Variants in CDH10 observed in about 807,000 individuals in gnomAD.
The protein encoded by CDH10 is cadherin-10.
Under a neutral mutation model 73.1 loss-of-function variants are expected in CDH10, and 30 were observed. That is an observed-to-expected ratio of 0.41 (90% confidence interval 0.31 to 0.56). The LOEUF (loss-of-function observed/expected upper bound fraction) is 0.56, where lower values mean the gene tolerates loss of function less well. Ranked by LOEUF, CDH10 falls within the 20% of genes least tolerant of loss-of-function variation. The probability of loss-of-function intolerance (pLI) is 0.27; values close to 1 mark genes in which losing one functional copy is unlikely to be tolerated. For missense variants in CDH10, 815 were observed against 973.7 expected, an observed-to-expected ratio of 0.84 and a Z score of 2.17; for synonymous variants, 345 against 348.2, an observed-to-expected ratio of 0.99 and a Z score of 0.10.
At chr5:24,569,109 C>CA (rs35321027) in intron 2 of CDH10, among the ~76,000 whole-genome samples, 62,826 of 147,172 alleles carry the variant, frequency 0.43, 14,178 homozygotes, top group East Asian at 0.55. Flanking sequence ...GACTCTGTCT[C>CA]AAAAAAAAAA....
intron 8 of CDH10, among the ~76,000 whole-genome samples, chr5:24,500,956 T>C (rs556737026): frequency 2.0e-5 from 3 of 152,264 alleles, no homozygotes; most frequent in African/African-American, 7.2e-5. Flanking sequence ...TATCTCATTA[T>C]TTTCCACTTC....
At chr5:24,622,760 C>G in intron 1 of CDH10, among the ~76,000 whole-genome samples, 1 of 151,970 alleles carries the variant, frequency 6.6e-6, no homozygotes, top group East Asian at 1.9e-4. Context: ...ATTTTAATCA[C>G]AAAGAAATAA....
chr5:24,604,374 T>TA (rs1277472379), intron 1 of CDH10, among the ~76,000 whole-genome samples: 1 of 152,040 alleles, frequency 6.6e-6, no homozygotes, highest in Non-Finnish European at 1.5e-5. Flanking sequence ...AAAAAAAATT[T>TA]ACCAATGTGC....
intron 5 of CDH10, among the ~76,000 whole-genome samples, chr5:24,514,407 A>G (rs1743030180): frequency 6.6e-6 from 1 of 152,058 alleles, no homozygotes; most frequent in African/African-American, 2.4e-5. Flanking sequence ...AACTTTTCCT[A>G]CCTCAACACT....
intron 2 of CDH10, among the ~76,000 whole-genome samples, chr5:24,560,058 A>T (rs1243476427): frequency 6.6e-6 from 1 of 152,110 alleles, no homozygotes; most frequent in Non-Finnish European, 1.5e-5. Flanking sequence ...CTTTCCTTTA[A>T]CTTTTTAATT....
intron 1 of CDH10, among the ~76,000 whole-genome samples, chr5:24,620,709 C>T (rs1192004655): frequency 6.6e-6 from 1 of 152,114 alleles, no homozygotes; most frequent in Non-Finnish European, 1.5e-5. Flanking sequence ...TATACTACCA[C>T]ACTTATAGGG....
At chr5:24,517,434 C>A (rs924687923) in intron 5 of CDH10, among the ~76,000 whole-genome samples, 1 of 151,910 alleles carries the variant, frequency 6.6e-6, no homozygotes, top group South Asian at 2.1e-4. Context: ...TTCTTGAGAA[C>A]AAAATTAAGT....
chr5:24,542,816 T>C (rs1429581881), intron 2 of CDH10, among the ~76,000 whole-genome samples: 2 of 152,040 alleles, frequency 1.3e-5, no homozygotes, highest in Non-Finnish European at 2.9e-5. Flanking sequence ...GGGCAAAAGG[T>C]CTTCATTGAG....
At chr5:24,590,930 A>G (rs1746180090) in intron 2 of CDH10, among the ~76,000 whole-genome samples, 3 of 152,012 alleles carry the variant, frequency 2.0e-5, no homozygotes, top group Admixed American at 1.3e-4. Flanking sequence ...ACCATATCAC[A>G]TGTCTACTTT....
At chr5:24,549,882 A>G (rs533627691) in intron 2 of CDH10, among the ~76,000 whole-genome samples, 2 of 152,154 alleles carry the variant, frequency 1.3e-5, no homozygotes, top group African/African-American at 4.8e-5. Flanking sequence ...TTGATTAAAA[A>G]AATAACTAGC....
intron 1 of CDH10, among the ~76,000 whole-genome samples, chr5:24,641,063 T>A (rs1748034753): frequency 1.3e-5 from 2 of 151,950 alleles, no homozygotes; most frequent in South Asian, 4.1e-4. Context: ...TGGGTCTTAT[T>A]TTTTGACAAT....
Position 24,487,972 on chromosome 5 carries a change from G to A in CDH10, c.2058C>T (p.Leu686=), listed in dbSNP as rs775959130. 72 of 1,613,764 alleles carry A rather than the reference G, an allele frequency of 4.5e-5. No homozygotes were observed. The highest frequency in any genetic ancestry group is 5.6e-5 in the Non-Finnish European group (66 of 1,179,958). The part of the protein sequence containing the change: ...RNPAAIEEKK[L]RRDIIPETLF... ...ACGTTTCTGGAATAATATCTCGCCG[G>A]AGCTTTTTTTCCTCAATGGCTGCAG... Residue 686 remains leucine, a synonymous_variant, in exon 12 of 12, where the codon CTC becomes CTT. Transcript: ENST00000264463.
intron 1 of CDH10, among the ~76,000 whole-genome samples, chr5:24,628,389 C>A (rs1489783473): frequency 6.6e-6 from 1 of 152,120 alleles, no homozygotes; most frequent in Non-Finnish European, 1.5e-5. Flanking sequence ...AGACAAACTG[C>A]AGACACCAAG....
At chr5:24,562,347 CTTT>C (rs965694947) in intron 2 of CDH10, among the ~76,000 whole-genome samples, 4 of 151,798 alleles carry the variant, frequency 2.6e-5, no homozygotes, top group African/African-American at 9.7e-5. Flanking sequence ...TTTTTTCCTT[CTTT>C]TATTTTTATC....
chr5:24,567,179 T>C (rs778204781), intron 2 of CDH10, among the ~76,000 whole-genome samples: 6 of 152,066 alleles, frequency 3.9e-5, no homozygotes, highest in African/African-American at 9.7e-5. Flanking sequence ...GAATGACTCA[T>C]TGAAAGACTC....
chr5:24,622,633 C>T (rs1274973594), intron 1 of CDH10, among the ~76,000 whole-genome samples: 1 of 152,162 alleles, frequency 6.6e-6, no homozygotes, highest in East Asian at 1.9e-4. Flanking sequence ...AATACAGACT[C>T]TAACTCCTCT....
intron 1 of CDH10, among the ~76,000 whole-genome samples, chr5:24,636,434 A>G (rs1316543055): frequency 6.6e-6 from 1 of 151,986 alleles, no homozygotes; most frequent in Non-Finnish European, 1.5e-5. Context: ...ATCACTGTGC[A>G]GTCTCCTATT....
chr5:24,569,630 T>C (rs1745295560), intron 2 of CDH10, among the ~76,000 whole-genome samples: 1 of 152,202 alleles, frequency 6.6e-6, no homozygotes, highest in Non-Finnish European at 1.5e-5. Flanking sequence ...CTGCATACTT[T>C]TTCTTCAAAA....
Position 24,511,489 on chromosome 5 carries a change from T to C in CDH10, c.840A>G (p.Glu280=). Residue 280 remains glutamate, a synonymous_variant, in exon 6 of 12, where the codon GAA becomes GAG. Coordinates refer to ENST00000264463, the MANE Select transcript of CDH10 (RefSeq NM_006727.5). The part of the protein sequence containing the change: ...PQNTIHLRVL[E]SSPVGTAIGS... ...CAATGGCTGTGCCAACTGGGGAGGATTCAAGAACTCGAAGATGAATAGTGT... is the reference window on the plus strand; with the variant it reads ...CAATGGCTGTGCCAACTGGGGAGGACTCAAGAACTCGAAGATGAATAGTGT... The C allele has an allele frequency of 6.3e-7, 1 of 1,595,496 alleles. No homozygotes were observed. Among genetic ancestry groups the C allele is most frequent in the Non-Finnish European group, 8.6e-7 (1 of 1,166,894 alleles).
Sources: allele counts gnomAD v4.1 joint callset (sites outside exome capture counted in the v4.1 genomes callset), GRCh38; gene constraint gnomAD v4.1.1; transcripts MANE v1.5; gene names NCBI Gene and HGNC (gene_info 2026-07-23, HGNC 2026-07-21).